Variants in DTNB observed in about 807,000 individuals in gnomAD.
DTNB encodes the protein DTN-B.
Under a neutral mutation model 90.7 loss-of-function variants are expected in DTNB, and 63 were observed. That is an observed-to-expected ratio of 0.69 (90% CI 0.57 to 0.86). The LOEUF is 0.86. DTNB is among the 40% of genes least tolerant of loss of function. The pLI is 0.00. For missense variants in DTNB, 744 were observed against 807.1 expected, an observed-to-expected ratio of 0.92 and a Z score of 0.95; for synonymous variants, 277 against 286.7, an observed-to-expected ratio of 0.97 and a Z score of 0.34.
intron 6 of DTNB, among the ~76,000 whole-genome samples, chr2:25,585,297 C>A (rs758877060): frequency 7.2e-5 from 11 of 151,856 alleles, no homozygotes; most frequent in Non-Finnish European, 1.3e-4. Flanking sequence ...TTGTTTTGTA[C>A]AAATTCTTCA....
chr2:25,598,478 A>G (rs1573173281), intron 5 of DTNB, among the ~76,000 whole-genome samples: 2 of 152,206 alleles, frequency 1.3e-5, no homozygotes, highest in East Asian at 3.8e-4. Flanking sequence ...TCTAACACTA[A>G]GCATTACTCT....
At chr2:25,385,945 A>C (rs1001080844) in intron 18 of DTNB, 1 of 912,290 alleles carries the variant, frequency 1.1e-6, no homozygotes, top group Admixed American at 6.2e-5. Context: ...CCATGGCCCG[A>C]AATTCCCTGA....
chr2:25,481,840 A>T (rs2065028423), intron 10 of DTNB: 1 of 152,212 alleles, frequency 6.6e-6, no homozygotes, highest in East Asian at 1.9e-4. Context: ...TCTGTTTTCA[A>T]CAAGTGACCC....
At chr2:25,419,418 G>T in intron 16 of DTNB, 97 bp downstream of exon 16, 5 of 1,530,246 alleles carry the variant, frequency 3.3e-6, no homozygotes, top group Non-Finnish European at 4.4e-6. Context: ...CCTCTTCAGA[G>T]ATGATGTGCG....
intron 9 of DTNB, among the ~76,000 whole-genome samples, chr2:25,505,586 C>A (rs554564022): frequency 6.6e-6 from 1 of 152,120 alleles, no homozygotes; most frequent in African/African-American, 2.4e-5. Context: ...TTTTAGAGAT[C>A]CTTTCTTGGG....
chr2:25,612,880 G>A (rs559646738), intron 4 of DTNB, among the ~76,000 whole-genome samples: 58 of 152,206 alleles, frequency 3.8e-4, no homozygotes, highest in Admixed American at 7.9e-4. Flanking sequence ...AAGAGAAACA[G>A]ATAAACTGAA....
intron 16 of DTNB, among the ~76,000 whole-genome samples, chr2:25,410,700 G>T (rs528126256): frequency 6.6e-6 from 1 of 152,224 alleles, no homozygotes; most frequent in East Asian, 1.9e-4. Flanking sequence ...TGACGAGGCG[G>T]GGGGGCAATG....
intron 8 of DTNB, among the ~76,000 whole-genome samples, chr2:25,567,551 TAGA>T (rs1158077943): frequency 2.6e-5 from 4 of 152,360 alleles, no homozygotes; most frequent in African/African-American, 9.6e-5. Context: ...TCCTCATTTA[TAGA>T]AGATTTTGAA....
rs188076606 is a variant in DTNB, at chr2:25,539,064, T to G, written c.877-7467A>C. The stretch of plus-strand genomic sequence containing the variant: ...TTATGTTACAATTTATCCATTCTGA[T>G]GGATGTAATTGCAATTCATTCATTT... On this transcript the variant is annotated intron_variant, in intron 8 of 20. Coordinates refer to ENST00000406818, the MANE Select transcript of DTNB (RefSeq NM_021907.5). Among the ~76,000 whole-genome samples the G allele has an allele frequency of 2.0e-5, 3 of 152,362 alleles. No homozygotes were observed. The East Asian group carries it at 5.8e-4, about 29-fold the overall frequency.
At chr2:25,519,199 CA>C (rs1037411479) in intron 9 of DTNB, among the ~76,000 whole-genome samples, 4 of 151,526 alleles carry the variant, frequency 2.6e-5, no homozygotes, top group Non-Finnish European at 5.9e-5. Flanking sequence ...CCCATCACTT[CA>C]AAAAAATATA....
intron 9 of DTNB, among the ~76,000 whole-genome samples, chr2:25,503,768 T>G (rs1343234386): frequency 6.6e-6 from 1 of 150,934 alleles, no homozygotes; most frequent in East Asian, 2.0e-4. Context: ...ATACAAAAAA[T>G]TAGCTGGGCG....
intron 1 of DTNB, among the ~76,000 whole-genome samples, chr2:25,657,161 G>T (rs1209004529): frequency 6.6e-6 from 1 of 152,176 alleles, no homozygotes. Flanking sequence ...GGGTAACAGA[G>T]TGAGACTCCG....
At chr2:25,482,529 A>G (rs1163173492) in intron 10 of DTNB, among the ~76,000 whole-genome samples, 1 of 152,172 alleles carries the variant, frequency 6.6e-6, no homozygotes, top group East Asian at 1.9e-4. Context: ...CTGCTCTGAC[A>G]CTGCCACCAC....
chr2:25,545,910 C>A (rs2082316397), intron 8 of DTNB, among the ~76,000 whole-genome samples: 1 of 152,334 alleles, frequency 6.6e-6, no homozygotes, highest in South Asian at 2.1e-4. Flanking sequence ...GCATGAGCCA[C>A]CGTGCCCGGC....
intron 16 of DTNB, among the ~76,000 whole-genome samples, chr2:25,389,815 ATTGT>A (rs981281619): frequency 1.3e-5 from 2 of 150,738 alleles, no homozygotes; most frequent in Non-Finnish European, 2.9e-5. Flanking sequence ...ACAGAAATGG[ATTGT>A]TTTCTGTGGT....
At chr2:25,388,828 G>GTGTC (rs1211426741) in intron 16 of DTNB, among the ~76,000 whole-genome samples, 2 of 151,218 alleles carry the variant, frequency 1.3e-5, no homozygotes, top group East Asian at 3.9e-4. Context: ...GTGTGTGTGT[G>GTGTC]TGTATGTATA....
At chr2:25,428,247 T>G (rs1298368329) in intron 14 of DTNB, among the ~76,000 whole-genome samples, 1 of 152,160 alleles carries the variant, frequency 6.6e-6, no homozygotes, top group Non-Finnish European at 1.5e-5. Flanking sequence ...CCAGGTGTCA[T>G]GGTTGAAAAA....
intron 6 of DTNB, 51 bp downstream of exon 6, chr2:25,596,035 A>G (rs2064539642): frequency 6.8e-7 from 1 of 1,468,936 alleles, no homozygotes; most frequent in East Asian, 2.6e-5. Flanking sequence ...TAGAAGGTGA[A>G]GGGAGGGAAG....
chr2:25,664,163 C>G (rs2083850580), intron 1 of DTNB, among the ~76,000 whole-genome samples: 1 of 152,156 alleles, frequency 6.6e-6, no homozygotes, highest in African/African-American at 2.4e-5. Context: ...TAATTCTAAG[C>G]TATTTTTTAT....
Sources: gnomAD v4.1 joint callset for allele counts (sites outside exome capture counted in the v4.1 genomes callset) on GRCh38, gnomAD v4.1.1 for gene constraint, MANE v1.5 for transcripts, NCBI Gene and HGNC (gene_info 2026-07-23, HGNC 2026-07-21) for gene names.